The following KLKB1 variants were observed in gnomAD, a reference collection of about 807,000 sequenced individuals.
The protein encoded by KLKB1 is kallikrein B1.
A neutral mutation model predicts 73.6 loss-of-function variants in KLKB1; 58 were observed. The observed-to-expected ratio is 0.79, with a 90% confidence interval of 0.64 to 0.98. The LOEUF is 0.98. Ranked by LOEUF, KLKB1 falls within the 50% of genes least tolerant of loss-of-function variation. KLKB1 has a pLI of 0.00. For synonymous variants in KLKB1, 280 were observed against 258.1 expected, an observed-to-expected ratio of 1.08 and a Z score of -0.81; for missense variants, 737 against 763.8, an observed-to-expected ratio of 0.96 and a Z score of 0.41.
intron 2 of KLKB1, among the ~76,000 whole-genome samples, chr4:186,216,908 T>C (rs956198702): frequency 2.6e-5 from 4 of 152,218 alleles, no homozygotes; most frequent in Admixed American, 2.0e-4. Context: ...TCCATTTTGA[T>C]TGGCACAAAG....
At chr4:186,228,693 C>T (rs181759899) in intron 2 of KLKB1, among the ~76,000 whole-genome samples, 16 of 152,256 alleles carry the variant, frequency 1.1e-4, no homozygotes, top group Admixed American at 5.9e-4. Flanking sequence ...TACTCTGGAC[C>T]GCTAGGGAAC....
chr4:186,236,113 CAA>C (rs57285912), intron 4 of KLKB1, among the ~76,000 whole-genome samples: 3,758 of 113,632 alleles, frequency 0.033, 46 homozygotes, highest in Middle Eastern at 0.063. Context: ...GACTCCGTCT[CAA>C]AAAAAAAAAA....
chr4:186,218,104 A>G (rs953883731), intron 2 of KLKB1, among the ~76,000 whole-genome samples: 1 of 152,234 alleles, frequency 6.6e-6, no homozygotes, highest in African/African-American at 2.4e-5. Context: ...AACTTTATTT[A>G]CAAAAACAGG....
chr4:186,250,268 T>A lies in KLKB1; in HGVS notation c.624T>A (p.His208Gln). The A allele has an allele frequency of 6.2e-7, 1 of 1,614,198 alleles. No individual in the cohort carries two copies. The highest frequency in any genetic ancestry group is 8.5e-7 in the Non-Finnish European group (1 of 1,180,014). The change falls in exon 7 of 15, where the codon CAT becomes CAA. Residue 208 changes from histidine (H) to glutamine (Q), a missense_variant. By Grantham distance (24) the His-to-Gln change is conservative. Transcript: ENST00000264690. ...EIGCHMNIFQ[H>Q]LAFSDVDVAR... is the part of the protein sequence containing the mutation. ...GTTGCCACATGAACATCTTCCAGCATCTTGCGTTCTCAGATGTGGATGTTG... is the reference window on the plus strand; with the variant it reads ...GTTGCCACATGAACATCTTCCAGCAACTTGCGTTCTCAGATGTGGATGTTG...
At chr4:186,218,748 TAGTC>T (rs930716498) in intron 2 of KLKB1, among the ~76,000 whole-genome samples, 3 of 152,108 alleles carry the variant, frequency 2.0e-5, no homozygotes, top group African/African-American at 7.2e-5. Context: ...ATGTTTGCAT[TAGTC>T]AGGGTTCTCT....
intron 11 of KLKB1, among the ~76,000 whole-genome samples, chr4:186,253,771 T>G (rs1244804043): frequency 1.3e-5 from 2 of 152,018 alleles, no homozygotes. Flanking sequence ...CATTCATCTT[T>G]TAAATAATCT....
intron 2 of KLKB1, among the ~76,000 whole-genome samples, chr4:186,219,750 C>A (rs574971021): frequency 6.6e-5 from 10 of 152,250 alleles, no homozygotes; most frequent in Non-Finnish European, 1.3e-4. Context: ...GTGACCCAAA[C>A]ATTCATTCCT....
chr4:186,212,422 A>C lies in KLKB1; in HGVS notation c.201+3150A>C, dbSNP rs6842047. ...TGAAGGTGATAACTGACACGTGTTC[A>C]CTGAATTTTAATTTGATAGGCAATA... On this transcript the variant is annotated intron_variant, in intron 2 of 14. Transcript: ENST00000511608. The C allele has an allele frequency of 0.89, 135,673 of 152,242 alleles. 60,499 individuals are homozygous for C. Among genetic ancestry groups the C allele is most frequent in the East Asian group, 0.93 (4,830 of 5,190 alleles). 9.4% of individuals were successfully genotyped at this position (152,242 alleles called of 1,614,324 possible). A position where few individuals can be genotyped will look rare whatever the true frequency, so the allele number is the denominator to read the frequency against.
At chr4:186,230,475 C>T (rs933660426) in intron 2 of KLKB1, among the ~76,000 whole-genome samples, 1 of 151,980 alleles carries the variant, frequency 6.6e-6, no homozygotes, top group Non-Finnish European at 1.5e-5. Context: ...ACATGGGGGC[C>T]CATGTAAAAG....
At chr4:186,228,080 G>T in intron 1 of KLKB1, 115 bp from the exon 2 acceptor site, 1 of 703,940 alleles carries the variant, frequency 1.4e-6, no homozygotes, top group East Asian at 2.8e-5. Flanking sequence ...ACCAGTAATT[G>T]TGTGCTTTGT....
At chr4:186,247,541 C>T (rs957673607) in intron 6 of KLKB1, among the ~76,000 whole-genome samples, 3 of 152,118 alleles carry the variant, frequency 2.0e-5, no homozygotes, top group African/African-American at 7.2e-5. Context: ...TTACTTCAGG[C>T]CATCTGGATG....
At chr4:186,211,852 A>G (rs1212002309) in intron 2 of KLKB1, 1 of 152,180 alleles carries the variant, frequency 6.6e-6, no homozygotes, top group African/African-American at 2.4e-5. Context: ...GTTGATTAGT[A>G]GGTTCTGTTA....
chr4:186,233,735 C>G lies in KLKB1; in HGVS notation c.222-217C>G, dbSNP rs1210084532. 2.0e-5 allele frequency among the ~76,000 whole-genome samples: 3 copies of G among 152,154 alleles called. No homozygotes were observed. In the East Asian group the frequency reaches 5.8e-4, roughly 29 times the overall value. On this transcript the variant is annotated intron_variant, in intron 3 of 14. Coordinates refer to ENST00000264690, the MANE Select transcript of KLKB1 (RefSeq NM_000892.5). ...TCTTTAATATGGTTGATTTCCTGTA[C>G]TTAAAAAATGTGAGTGTAAAGAAAA...
chr4:186,242,994 G>A lies in KLKB1; in HGVS notation c.598+4629G>A, dbSNP rs184447178. Among the ~76,000 whole-genome samples the A allele has an allele frequency of 1.8e-3, 275 of 150,656 alleles. 4 individuals carry two copies. The highest frequency in any genetic ancestry group is 6.4e-3 in the African/African-American group (261 of 41,008). ...TTATGTCTGACAGAAGGGAAGAAAT[G>A]ACCACGGTGGCCTTCTCAGACCCTG... On this transcript the variant is annotated intron_variant, in intron 6 of 14. Transcript: ENST00000264690.
At chr4:186,235,215 G>GT (rs1737596299) in intron 4 of KLKB1, among the ~76,000 whole-genome samples, 1 of 152,174 alleles carries the variant, frequency 6.6e-6, no homozygotes. Flanking sequence ...AATTATTCGA[G>GT]TAAGTGCTAT....
Position 186,250,274 on chromosome 4 carries a change from G to C in KLKB1, c.630G>C (p.Ala210=), listed in dbSNP as rs142771228. The change falls in exon 7 of 15, where the codon GCG becomes GCC. Residue 210 remains alanine, a synonymous_variant. Transcript: ENST00000264690. ...ACATGAACATCTTCCAGCATCTTGC[G>C]TTCTCAGATGTGGATGTTGCCAGGG... ...GCHMNIFQHL[A]FSDVDVARVL... The C allele has an allele frequency of 6.2e-7, 1 of 1,613,998 alleles. No homozygotes were observed. Among genetic ancestry groups the C allele is most frequent in the Non-Finnish European group, 8.5e-7 (1 of 1,180,016 alleles).
At chr4:186,252,557 GCACCAATCCCACCACCAATCCCAC>G (rs80270525) in intron 11 of KLKB1, among the ~76,000 whole-genome samples, 2 of 82,904 alleles carry the variant, frequency 2.4e-5, no homozygotes, top group African/African-American at 5.0e-5. Flanking sequence ...ATCAATCTCA[GCACCAATCCCACCACCAATCCCAC>G]CACCAATCCC....
intron 6 of KLKB1, 89 bp downstream of exon 6, chr4:186,238,454 C>T (rs555086277): frequency 5.6e-6 from 5 of 891,824 alleles, no homozygotes; most frequent in Non-Finnish European, 5.7e-6. Context: ...GGGACCTGTG[C>T]GTGTGTTCCC....
intron 2 of KLKB1, chr4:186,228,871 A>T (rs943981497): frequency 6.6e-6 from 1 of 152,348 alleles, no homozygotes. Context: ...ATCATTACAG[A>T]GGGAGTTTTC....
Sources: gnomAD v4.1 joint callset for allele counts (sites outside exome capture counted in the v4.1 genomes callset) on GRCh38, gnomAD v4.1.1 for gene constraint, MANE v1.5 for transcripts, NCBI Gene and HGNC (gene_info 2026-07-23, HGNC 2026-07-21) for gene names.